PRKG1: variants seen among roughly 807,000 people sequenced by gnomAD.
PRKG1 encodes protein kinase cGMP-dependent 1, also known as cGMP-dependent protein kinase 1.
PRKG1 carries 35 observed loss-of-function variants against 88.1 expected under a neutral mutation model. The ratio of observed to expected loss-of-function variants is 0.40; its 90% CI spans 0.30 to 0.53. The LOEUF is 0.53. Among genes scored for constraint, PRKG1 ranks in the 20% least tolerant of loss-of-function variants. PRKG1 has a pLI of 0.59. For missense variants in PRKG1, 540 were observed against 839.8 expected, an observed-to-expected ratio of 0.64 and a Z score of 4.41; for synonymous variants, 303 against 292.5, an observed-to-expected ratio of 1.04 and a Z score of -0.37.
chr10:51,443,790 A>G (rs1289305792), intron 2 of PRKG1, among the ~76,000 whole-genome samples: 2 of 152,028 alleles, frequency 1.3e-5, no homozygotes, highest in East Asian at 3.9e-4. Flanking sequence ...CCTGGTTTAC[A>G]TAACCTGGCC....
At chr10:51,454,296 T>G (rs1839520077) in intron 2 of PRKG1, among the ~76,000 whole-genome samples, 1 of 151,998 alleles carries the variant, frequency 6.6e-6, no homozygotes, top group Non-Finnish European at 1.5e-5. Flanking sequence ...AAAGCAAGGC[T>G]AAGCAAAATC....
At chr10:51,702,570 G>A (rs1335881414) in intron 3 of PRKG1, among the ~76,000 whole-genome samples, 1 of 152,130 alleles carries the variant, frequency 6.6e-6, no homozygotes, top group Non-Finnish European at 1.5e-5. Context: ...TCCAGACGTT[G>A]ATTCTTTCAA....
At chr10:51,185,046 G>A (rs1837450026) in intron 2 of PRKG1, among the ~76,000 whole-genome samples, 1 of 152,048 alleles carries the variant, frequency 6.6e-6, no homozygotes, top group African/African-American at 2.4e-5. Context: ...TGATAATTGT[G>A]ACATCTCACA....
At chr10:51,865,165 C>G (rs191429461) in intron 4 of PRKG1, among the ~76,000 whole-genome samples, 18 of 152,080 alleles carry the variant, frequency 1.2e-4, no homozygotes, top group African/African-American at 4.1e-4. Flanking sequence ...ATTAAAGATG[C>G]GTATAGTGAA....
chr10:52,141,882 C>T (rs1335072482), intron 8 of PRKG1, among the ~76,000 whole-genome samples: 1 of 152,102 alleles, frequency 6.6e-6, no homozygotes, highest in East Asian at 1.9e-4. Flanking sequence ...ATATTTTCAG[C>T]TTTGTGGGCC....
intron 3 of PRKG1, among the ~76,000 whole-genome samples, chr10:51,749,804 GA>G: frequency 6.6e-6 from 1 of 152,222 alleles, no homozygotes; most frequent in East Asian, 1.9e-4. Context: ...CTGCTCCTCA[GA>G]GGACAGATGC....
intron 2 of PRKG1, among the ~76,000 whole-genome samples, chr10:51,340,844 T>A (rs1484515840): frequency 6.6e-6 from 1 of 152,158 alleles, no homozygotes; most frequent in Non-Finnish European, 1.5e-5. Flanking sequence ...TAAGACAATC[T>A]AATGGGGCAG....
In PRKG1 at chr10:51,007,451, A is replaced by T. The variant is rs949677406; in HGVS notation, c.266+15807A>T. Among the ~76,000 whole-genome samples the T allele has an allele frequency of 4.6e-5, 7 of 152,196 alleles. No homozygotes were observed. The South Asian group carries it at 6.2e-4, about 14-fold the overall frequency. ...AGCTATTAATGATAAATTAACAGGG[A>T]TTACATTGTAAGATGAACTCATTAC... On this transcript the variant is annotated intron_variant, in intron 1 of 17. Transcript: ENST00000401604.
intron 3 of PRKG1, among the ~76,000 whole-genome samples, chr10:51,654,167 A>G (rs1222521136): frequency 6.6e-6 from 1 of 152,136 alleles, no homozygotes; most frequent in Non-Finnish European, 1.5e-5. Flanking sequence ...TAGGTTTTAT[A>G]TCTAAGTCTT....
At chr10:51,519,995 G>C (rs367992464) in intron 3 of PRKG1, among the ~76,000 whole-genome samples, 1 of 152,024 alleles carries the variant, frequency 6.6e-6, no homozygotes, top group Admixed American at 6.6e-5. Flanking sequence ...AACCTATAAG[G>C]TGCATGCTAT....
intron 2 of PRKG1, among the ~76,000 whole-genome samples, chr10:51,354,461 T>G (rs1466379317): frequency 6.6e-6 from 1 of 152,090 alleles, no homozygotes; most frequent in Admixed American, 6.6e-5. Context: ...GAAAAATTAT[T>G]AAAAAATAAA....
At chr10:52,067,918 C>G (rs567994105) in intron 7 of PRKG1, among the ~76,000 whole-genome samples, 1 of 145,166 alleles carries the variant, frequency 6.9e-6, no homozygotes. Context: ...AAGATCCCTA[C>G]TTGAGGCCGG....
At chr10:51,118,473 A>G (rs1845182756) in intron 1 of PRKG1, among the ~76,000 whole-genome samples, 1 of 152,138 alleles carries the variant, frequency 6.6e-6, no homozygotes, top group Non-Finnish European at 1.5e-5. Flanking sequence ...TTCTTAAGAA[A>G]CCATTAAAAA....
At chr10:51,193,754 G>T (rs1246075132) in intron 2 of PRKG1, among the ~76,000 whole-genome samples, 4 of 152,040 alleles carry the variant, frequency 2.6e-5, no homozygotes, top group Non-Finnish European at 5.9e-5. Context: ...AGGAGAAAAA[G>T]GTTAATGTTC....
At chr10:51,433,373 T>C (rs1018906795) in intron 2 of PRKG1, among the ~76,000 whole-genome samples, 2 of 152,138 alleles carry the variant, frequency 1.3e-5, no homozygotes, top group Admixed American at 6.6e-5. Context: ...CCCCATGTTG[T>C]AGCTTGGGTG....
intron 3 of PRKG1, among the ~76,000 whole-genome samples, chr10:51,576,665 T>C (rs10998280): frequency 0.069 from 10,484 of 151,976 alleles, 1,185 homozygotes; most frequent in African/African-American, 0.24. Context: ...CAAATGTATC[T>C]TCCCAGCAAC....
At chr10:52,229,591 T>A (rs1840475434) in intron 9 of PRKG1, among the ~76,000 whole-genome samples, 1 of 152,186 alleles carries the variant, frequency 6.6e-6, no homozygotes, top group South Asian at 2.1e-4. Context: ...TCAGACTTTG[T>A]GAATGCCTCT....
chr10:51,137,280 T>C (rs1845711711), intron 1 of PRKG1, among the ~76,000 whole-genome samples: 1 of 152,078 alleles, frequency 6.6e-6, no homozygotes, highest in Non-Finnish European at 1.5e-5. Context: ...GCAGAAACGT[T>C]TAGGTTTAAC....
chr10:51,441,132 A>G lies in PRKG1; in HGVS notation c.479-26591A>G, dbSNP rs551725600. On this transcript the variant is annotated intron_variant, in intron 2 of 17. Transcript: ENST00000373980. Reference sequence around the variant, plus strand: ...AAGTGCACTTTCACTTGTATGTTCTATTTTGGTGTTGGATGGTGACCATGA... The same window carrying G: ...AAGTGCACTTTCACTTGTATGTTCTGTTTTGGTGTTGGATGGTGACCATGA... 7.7e-4 allele frequency among the ~76,000 whole-genome samples: 117 copies of G among 151,958 alleles called. 1 individual carries two copies. Among genetic ancestry groups the G allele is most frequent in the Admixed American group, 3.0e-3 (46 of 15,234 alleles).
Sources: allele counts gnomAD v4.1 joint callset (sites outside exome capture counted in the v4.1 genomes callset), GRCh38; gene constraint gnomAD v4.1.1; transcripts MANE v1.5; gene names NCBI Gene and HGNC (gene_info 2026-07-23, HGNC 2026-07-21).